MED27: variants seen among roughly 807,000 people sequenced by gnomAD.
MED27 encodes the protein mediator complex subunit 27, also known as mediator of RNA polymerase II transcription subunit 27.
In MED27, 30 loss-of-function variants were observed where a neutral mutation model predicts 38.2. The observed-to-expected ratio is 0.79, with a 90% CI of 0.59 to 1.07. The LOEUF (loss-of-function observed/expected upper bound fraction) is 1.07. Among genes scored for constraint, MED27 ranks in the 50% least tolerant of loss-of-function variants. The pLI is 0.00. For synonymous variants in MED27, 122 were observed against 153.5 expected (o/e 0.79, Z 1.52); for missense variants, 289 against 397.5 (o/e 0.73, Z 2.32).
At chr9:131,929,918 C>A (rs1407459728) in intron 4 of MED27, among the ~76,000 whole-genome samples, 4 of 152,182 alleles carry the variant, frequency 2.6e-5, no homozygotes, top group African/African-American at 4.8e-5. Context: ...TTACAGCGAG[C>A]CTTGGGCAAG....
intron 4 of MED27, among the ~76,000 whole-genome samples, chr9:131,920,995 G>A (rs1295552330): frequency 6.6e-6 from 1 of 152,190 alleles, no homozygotes; most frequent in Non-Finnish European, 1.5e-5. Context: ...TAATCTAGGT[G>A]TGAGGGACCA....
intron 4 of MED27, among the ~76,000 whole-genome samples, chr9:131,897,262 G>A (rs2131509416): frequency 6.6e-6 from 1 of 152,286 alleles, no homozygotes; most frequent in South Asian, 2.1e-4. Context: ...CACCACATTT[G>A]GAATTATTTC....
chr9:131,863,772 C>A (rs1162780145), intron 6 of MED27, among the ~76,000 whole-genome samples: 1 of 152,128 alleles, frequency 6.6e-6, no homozygotes, highest in African/African-American at 2.4e-5. Context: ...CTGGTGTGGT[C>A]CCCTCACCAG....
At chr9:132,052,147 G>A in intron 2 of MED27, among the ~76,000 whole-genome samples, 1 of 152,126 alleles carries the variant, frequency 6.6e-6, no homozygotes, top group East Asian at 1.9e-4. Context: ...AACGGCACCA[G>A]CAGGCCCTGG....
intron 2 of MED27, among the ~76,000 whole-genome samples, chr9:132,055,135 C>A (rs1427091138): frequency 1.3e-5 from 2 of 152,246 alleles, no homozygotes; most frequent in Non-Finnish European, 2.9e-5. Flanking sequence ...CATCCCTGCA[C>A]ATAGTGGGCC....
At chr9:131,941,257 A>G (rs1409832713) in intron 3 of MED27, among the ~76,000 whole-genome samples, 3 of 152,260 alleles carry the variant, frequency 2.0e-5, no homozygotes, top group Non-Finnish European at 2.9e-5. Context: ...AAATTAAATT[A>G]CATGTCCGTT....
chr9:131,884,956 T>C (rs555833143), intron 5 of MED27, among the ~76,000 whole-genome samples: 1 of 152,364 alleles, frequency 6.6e-6, no homozygotes, highest in African/African-American at 2.4e-5. Flanking sequence ...TAAAACTGCC[T>C]GAAGCTCTAT....
chr9:132,049,626 G>A (rs1017182712), intron 2 of MED27, among the ~76,000 whole-genome samples: 3 of 152,176 alleles, frequency 2.0e-5, no homozygotes, highest in Admixed American at 6.5e-5. Context: ...GGTCAGCCCA[G>A]CCGGGAAACC....
At chr9:131,977,306 G>A (rs1831630310) in intron 3 of MED27, among the ~76,000 whole-genome samples, 1 of 152,150 alleles carries the variant, frequency 6.6e-6, no homozygotes. Context: ...CCTGGTTTGT[G>A]GGAAGTAGTA....
chr9:131,863,003 T>C lies in MED27; in HGVS notation c.801+60A>G, dbSNP rs1198321616. 3 of 1,463,208 alleles carry C rather than the reference T, an allele frequency of 2.1e-6. No individual in the cohort carries two copies. In the Admixed American group the frequency reaches 5.1e-5, roughly 25 times the overall value. The allele number at this position is 1,463,208 out of a possible 1,614,324, so 90.6% of individuals were successfully genotyped here. ...TGCAACGGCTGCCCTTCAAGCTCCC[T>C]GTTCTCACTTGAAGGGAGCTGAGGT... is the stretch of plus-strand genomic sequence containing the variant. On this transcript the variant is annotated intron_variant, in intron 7 of 7. Transcript: ENST00000292035.
At chr9:131,992,910 TC>T (rs1281977453) in intron 3 of MED27, among the ~76,000 whole-genome samples, 1 of 152,164 alleles carries the variant, frequency 6.6e-6, no homozygotes, top group African/African-American at 2.4e-5. Flanking sequence ...GATCGCTGTA[TC>T]ACAAACACGG....
At chr9:132,024,875 G>A (rs568300987) in intron 2 of MED27, among the ~76,000 whole-genome samples, 17 of 152,304 alleles carry the variant, frequency 1.1e-4, no homozygotes, top group African/African-American at 3.4e-4. Context: ...AGCTTGACAC[G>A]TGAAATAATC....
Position 131,883,952 on chromosome 9 carries a change from T to C in MED27, c.723+106A>G. ...CAGTGAGCATCCTTTTCTGTCTGGC[T>C]TTTTTCACTTTTTCAAAAGCCTCTG... On this transcript the variant is annotated intron_variant, in intron 6 of 7. Coordinates refer to ENST00000292035, the MANE Select transcript of MED27 (RefSeq NM_004269.4). This position sits in a 1 kb window ranked among gnomAD's most constrained non-coding sequence, Gnocchi z 4.2. 1 of 1,000,864 alleles carries C rather than the reference T, an allele frequency of 1.0e-6. No homozygotes were observed. Among genetic ancestry groups the C allele is most frequent in the Non-Finnish European group, 1.5e-6 (1 of 665,162 alleles). The allele number at this position is 1,000,864 out of a possible 1,614,324, so 62.0% of individuals were successfully genotyped here.
chr9:131,866,970 C>T (rs1207099513), intron 6 of MED27, among the ~76,000 whole-genome samples: 1 of 152,232 alleles, frequency 6.6e-6, no homozygotes, highest in Non-Finnish European at 1.5e-5. Flanking sequence ...TGTCCTTTCC[C>T]CCTCTCCTTC....
At chr9:131,975,456 G>T (rs1288728482) in intron 3 of MED27, among the ~76,000 whole-genome samples, 1 of 152,186 alleles carries the variant, frequency 6.6e-6, no homozygotes, top group Non-Finnish European at 1.5e-5. Flanking sequence ...TTCTCATCTT[G>T]TTTCTGCTTC....
At chr9:131,882,095 A>G (rs1213381621) in intron 6 of MED27, among the ~76,000 whole-genome samples, 1 of 152,152 alleles carries the variant, frequency 6.6e-6, no homozygotes, top group African/African-American at 2.4e-5. Context: ...AATCCAGGGT[A>G]GCACATTGCA....
chr9:131,901,698 T>G (rs1207233461), intron 4 of MED27, among the ~76,000 whole-genome samples: 2 of 152,134 alleles, frequency 1.3e-5, no homozygotes, highest in East Asian at 3.9e-4. Flanking sequence ...CCAAGAGGTG[T>G]TTTTAGATAC....
intron 2 of MED27, among the ~76,000 whole-genome samples, chr9:132,023,741 C>G (rs537796249): frequency 7.9e-5 from 12 of 151,944 alleles, no homozygotes; most frequent in African/African-American, 9.7e-5. Context: ...CGGAAGGAGA[C>G]AGGAAAACAG....
chr9:131,963,798 G>A (rs1243832642), intron 3 of MED27, among the ~76,000 whole-genome samples: 1 of 152,128 alleles, frequency 6.6e-6, no homozygotes, highest in African/African-American at 2.4e-5. Context: ...GCTCCTAGCT[G>A]TTGTTAGTAT....
Sources: allele counts gnomAD v4.1 joint callset (sites outside exome capture counted in the v4.1 genomes callset), GRCh38; gene constraint gnomAD v4.1.1; non-coding constraint Gnocchi (gnomAD v3.1); transcripts MANE v1.5; gene names NCBI Gene and HGNC (gene_info 2026-07-23, HGNC 2026-07-21).